The following UBASH3A variants were observed in gnomAD, a reference collection of about 807,000 sequenced individuals.
UBASH3A encodes the protein ubiquitin-associated and SH3 domain-containing protein A.
In UBASH3A, 63 loss-of-function variants were observed where a neutral mutation model predicts 73.5. The ratio of observed to expected loss-of-function variants is 0.86; its 90% CI spans 0.70 to 1.06. The LOEUF (loss-of-function observed/expected upper bound fraction) is 1.06. Among genes scored for constraint, UBASH3A ranks in the 50% least tolerant of loss-of-function variants. The pLI is 0.00. For missense variants in UBASH3A, 860 were observed against 859.0 expected (o/e 1.00, Z -0.02); for synonymous variants, 363 against 351.1 (o/e 1.03, Z -0.38).
rs372919638 is a variant in UBASH3A, at chr21:42,415,015, T to C, written c.668-1427T>C. ...TCCTGCCCTTCCATGGCCCATGCTC[T>C]CAGCCTGACACCGAGGGGGTGGAGG... On this transcript the variant is annotated intron_variant, in intron 5 of 14. Transcript: ENST00000319294. Among the ~76,000 whole-genome samples, 36 of 152,262 alleles carry C rather than the reference T, an allele frequency of 2.4e-4. No individual in the cohort carries two copies. In the South Asian group the frequency reaches 7.3e-3, roughly 31 times the overall value.
chr21:42,419,201 C>T (rs751443683), intron 7 of UBASH3A, among the ~76,000 whole-genome samples: 25 of 152,120 alleles, frequency 1.6e-4, no homozygotes, highest in Non-Finnish European at 3.4e-4. Flanking sequence ...CTGTAGGGCT[C>T]CTGGTGAGTT....
chr21:42,410,425 C>G lies in UBASH3A; in HGVS notation c.354+817C>G, dbSNP rs1439295738. The G allele has an allele frequency of 5.7e-6, 3 of 529,660 alleles. No individual in the cohort carries two copies. In the East Asian group the frequency reaches 9.0e-5, roughly 16 times the overall value. The allele number at this position is 529,660 out of a possible 1,614,324, so 32.8% of individuals were successfully genotyped here. On this transcript the variant is annotated intron_variant, in intron 3 of 14. Coordinates refer to ENST00000319294, the MANE Select transcript of UBASH3A (RefSeq NM_018961.4). The stretch of plus-strand genomic sequence containing the variant: ...CCCAAGGAACCCTCCATTCCAACAC[C>G]AGGCCCCTCGGTGCTGGATGGAAAG...
intron 8 of UBASH3A, 50 bp from the exon 9 acceptor site, chr21:42,432,053 T>A: frequency 8.4e-7 from 1 of 1,187,256 alleles, no homozygotes; most frequent in Non-Finnish European, 1.2e-6. Flanking sequence ...GCAAGTCCAG[T>A]GAGTTGGATG....
At chr21:42,426,947 G>A in intron 8 of UBASH3A, 127 bp downstream of exon 8, 3 of 1,253,224 alleles carry the variant, frequency 2.4e-6, no homozygotes, top group South Asian at 2.9e-5. Context: ...CTGCCCTAGA[G>A]CGTGGTCAGC....
intron 8 of UBASH3A, 126 bp from the exon 9 acceptor site, chr21:42,431,977 G>A: frequency 1.6e-6 from 1 of 633,670 alleles, no homozygotes; most frequent in East Asian, 2.8e-5. Context: ...AATGGGCTGA[G>A]CTATTGACTA....
intron 1 of UBASH3A, among the ~76,000 whole-genome samples, chr21:42,406,022 A>G (rs2052966630): frequency 1.5e-5 from 2 of 136,956 alleles, no homozygotes; most frequent in African/African-American, 2.8e-5. Flanking sequence ...GGATTGCAGG[A>G]GCGGGCGGAG....
rs555512827 is a variant in UBASH3A, at chr21:42,416,144, C to G, written c.668-298C>G. ...TCCAGGCCACTGGGTAACGTGCACA[C>G]CCCGGGGAATGGAGGAGCCGTTTAC... On this transcript the variant is annotated intron_variant, in intron 5 of 14. Coordinates refer to ENST00000319294, the MANE Select transcript of UBASH3A (RefSeq NM_018961.4). 1.8e-4 allele frequency among the ~76,000 whole-genome samples: 28 copies of G among 152,278 alleles called. No individual in the cohort carries two copies. In the South Asian group the frequency reaches 5.6e-3, roughly 30 times the overall value.
At chr21:42,420,809 G>A (rs1410794756) in intron 7 of UBASH3A, among the ~76,000 whole-genome samples, 1 of 152,202 alleles carries the variant, frequency 6.6e-6, no homozygotes, top group Non-Finnish European at 1.5e-5. Context: ...AGTCAGACCT[G>A]CTCAGAATAA....
intron 3 of UBASH3A, among the ~76,000 whole-genome samples, chr21:42,412,501 G>A (rs1187205379): frequency 6.6e-6 from 1 of 152,214 alleles, no homozygotes; most frequent in African/African-American, 2.4e-5. Context: ...GTTGGAGGCA[G>A]GCAGAGCCTC....
chr21:42,437,444 A>G, intron 10 of UBASH3A, 44 bp from the exon 11 acceptor site: 2 of 1,562,892 alleles, frequency 1.3e-6, no homozygotes, highest in Non-Finnish European at 1.8e-6. Context: ...ATCAGAGGCT[A>G]GAATTATGAA....
chr21:42,447,121 A>T lies in UBASH3A; in HGVS notation c.1913A>T (p.Asn638Ile), dbSNP rs1247339990. 1 of 1,613,984 alleles carries T rather than the reference A, an allele frequency of 6.2e-7. No homozygotes were observed. ...GAGGAAGGAAAATGGGAGTTGGTGAACCCACCGGTGAAGACCCTGACCCAC... is the reference window on the plus strand; with the variant it reads ...GAGGAAGGAAAATGGGAGTTGGTGATCCCACCGGTGAAGACCCTGACCCAC... ...NKEEGKWELV[N>I]PPVKTLTHGA... Residue 638 changes from asparagine (N) to isoleucine (I), a missense_variant, in exon 15 of 15, where the codon AAC (asparagine) becomes ATC (isoleucine). By Grantham distance (149) the Asn-to-Ile change is moderately radical. Coordinates refer to ENST00000319294, the MANE Select transcript of UBASH3A (RefSeq NM_018961.4).
At chr21:42,441,866 T>C (rs2053752315) in intron 11 of UBASH3A, among the ~76,000 whole-genome samples, 1 of 152,342 alleles carries the variant, frequency 6.6e-6, no homozygotes, top group South Asian at 2.1e-4. Context: ...TTCAGGTCTT[T>C]TTTTCCACTC....
Position 42,413,334 on chromosome 21 carries a change from C to T in UBASH3A, c.554-76C>T, listed in dbSNP as rs2053139819. The T allele has an allele frequency of 1.3e-6, 2 of 1,531,726 alleles. No individual in the cohort carries two copies. The highest frequency in any genetic ancestry group is 1.7e-5 in the Admixed American group (1 of 57,896). 94.9% of individuals were successfully genotyped at this position (1,531,726 alleles called of 1,614,324 possible). ...ATGCAGTGGGTGGGTTCCAGGGGAG[C>T]AGAGCCCAGCAGCAATGGTGGGATG... On this transcript the variant is annotated intron_variant, in intron 4 of 14. Coordinates refer to ENST00000319294, the MANE Select transcript of UBASH3A (RefSeq NM_018961.4). The surrounding 1 kb of genome is among the most constrained non-coding windows in gnomAD (Gnocchi z 4.5).
intron 8 of UBASH3A, among the ~76,000 whole-genome samples, chr21:42,430,203 G>C (rs955093980): frequency 6.6e-6 from 1 of 152,194 alleles, no homozygotes; most frequent in Admixed American, 6.5e-5. Context: ...ACTCTTGCCA[G>C]AGCGAGTGGC....
intron 3 of UBASH3A, among the ~76,000 whole-genome samples, chr21:42,411,068 T>G (rs555391461): frequency 7.5e-6 from 1 of 132,518 alleles, no homozygotes; most frequent in Admixed American, 8.1e-5. Context: ...CACACATACA[T>G]GCATACAGAC....
Position 42,447,396 on chromosome 21 carries a change from C to A in UBASH3A, c.*202C>A. ...CATCTGTGGACCCATCGTCCACCAG[C>A]CCAGCTGCGGGGAGCACAGGGCAGG... On this transcript the variant is annotated 3_prime_UTR_variant, in exon 15 of 15. Transcript: ENST00000319294. 1 of 561,460 alleles carries A rather than the reference C, an allele frequency of 1.8e-6. No individual in the cohort carries two copies. Among genetic ancestry groups the A allele is most frequent in the South Asian group, 2.3e-5 (1 of 42,802 alleles). 34.8% of individuals were successfully genotyped at this position (561,460 alleles called of 1,614,324 possible).
At position 42,413,317 on chromosome 21, in the gene UBASH3A, G is replaced by A; in HGVS notation, c.554-93G>A. 6.4e-7 allele frequency: 1 copy of A among 1,553,002 alleles called. No homozygotes were observed. The highest frequency in any genetic ancestry group is 2.3e-5 in the East Asian group (1 of 44,430). ...TAGCCCCCGGCACATGGATGCAGTG[G>A]GTGGGTTCCAGGGGAGCAGAGCCCA... On this transcript the variant is annotated intron_variant, in intron 4 of 14. Transcript: ENST00000319294. This position sits in a 1 kb window ranked among gnomAD's most constrained non-coding sequence, Gnocchi z 4.5.
At chr21:42,410,019 C>G (rs1353860976) in intron 3 of UBASH3A, 1 of 699,816 alleles carries the variant, frequency 1.4e-6, no homozygotes, top group Admixed American at 2.0e-5. Flanking sequence ...AGCACAGCCC[C>G]TAAAACAGAG....
intron 9 of UBASH3A, among the ~76,000 whole-genome samples, chr21:42,432,741 C>G (rs1170608587): frequency 6.6e-6 from 1 of 152,186 alleles, no homozygotes; most frequent in East Asian, 1.9e-4. Flanking sequence ...AGAAGCCCAG[C>G]AGACCCAAGA....
Sources: gnomAD v4.1 joint callset for allele counts (sites outside exome capture counted in the v4.1 genomes callset) on GRCh38, gnomAD v4.1.1 for gene constraint, Gnocchi (gnomAD v3.1) non-coding constraint, MANE v1.5 for transcripts, NCBI Gene and HGNC (gene_info 2026-07-23, HGNC 2026-07-21) for gene names.